TCF4: variants seen among roughly 807,000 people sequenced by gnomAD.
TCF4 encodes the protein SL3-3 enhancer factor 2.
Under a neutral mutation model 82.1 loss-of-function variants are expected in TCF4, and 3 were observed. That is an observed-to-expected ratio of 0.04 (90% CI 0.02 to 0.09). TCF4 has a LOEUF of 0.09. Ranked by LOEUF, TCF4 falls within the 10% of genes least tolerant of loss-of-function variation. The probability of loss-of-function intolerance (pLI) is 1.00; values close to 1 mark genes in which losing one functional copy is unlikely to be tolerated. For missense variants in TCF4, 518 were observed against 852.7 expected, an observed-to-expected ratio of 0.61 and a Z score of 4.89; for synonymous variants, 276 against 309.6, an observed-to-expected ratio of 0.89 and a Z score of 1.14.
chr18:55,451,986 A>G (rs1221940954), intron 5 of TCF4, among the ~76,000 whole-genome samples: 1 of 152,200 alleles, frequency 6.6e-6, no homozygotes, highest in Non-Finnish European at 1.5e-5. Flanking sequence ...AGCCTGGGTG[A>G]CAGAGTGAGA....
intron 3 of TCF4, among the ~76,000 whole-genome samples, chr18:55,537,229 A>C (rs2097125062): frequency 6.6e-6 from 1 of 152,188 alleles, no homozygotes; most frequent in South Asian, 2.1e-4. Flanking sequence ...CAAAAACTAA[A>C]AACAAGCATT....
upstream of TCF4, chr18:55,589,831 T>A (rs1568475458): frequency 6.0e-6 from 6 of 1,004,462 alleles, no homozygotes; most frequent in Non-Finnish European, 7.1e-6. Flanking sequence ...CGGCCGCGGC[T>A]GCTCCTCCAG....
Position 55,228,270 on chromosome 18 carries a change from T to C in TCF4, c.1971A>G (p.Pro657=), listed in dbSNP as rs2046898654. The change falls in exon 19 of 20, where the codon CCA becomes CCG. Residue 657 remains proline, a synonymous_variant. Coordinates refer to ENST00000354452, the MANE Select transcript of TCF4 (RefSeq NM_001083962.2). ...TCGATGCGTCTCCCATTCCAGGGTG[T>C]GGGCCGGCCAAGGAGAGAGGGGGAG... ...SEPPPLSLAG[P]HPGMGDASNH... is the part of the protein sequence containing the mutation. 2 of 1,614,136 alleles carry C rather than the reference T, an allele frequency of 1.2e-6. No homozygotes were observed. Among genetic ancestry groups the C allele is most frequent in the South Asian group, 1.1e-5 (1 of 91,076 alleles).
At chr18:55,631,514 G>T in intron 1 of TCF4, 1 of 867,824 alleles carries the variant, frequency 1.2e-6, no homozygotes, top group Non-Finnish European at 1.7e-6. Flanking sequence ...CTACAGGGAT[G>T]AAGACAAGTG....
At chr18:55,501,423 T>G (rs895247989) in intron 3 of TCF4, among the ~76,000 whole-genome samples, 2 of 152,222 alleles carry the variant, frequency 1.3e-5, no homozygotes, top group African/African-American at 4.8e-5. Flanking sequence ...AATAGTGTTC[T>G]CAATGGCTTT....
rs1477854140 is a variant in TCF4, at chr18:55,621,646, TAC to T, written c.286+9650_286+9651del. Among the ~76,000 whole-genome samples the T allele has an allele frequency of 2.3e-4, 4 of 17,490 alleles. No individual in the cohort carries two copies. The African/African-American group carries it at 2.6e-3, about 11-fold the overall frequency. The allele number at this position is 17,490 out of a possible 152,430, so 11.5% of individuals were successfully genotyped here. ...TATATAATATATATATTATATAATA[TAC>T]ATTATATAATATACATTATATAATA... On this transcript the variant is annotated intron_variant, in intron 2 of 20. Coordinates refer to the TCF4 transcript ENST00000398339.
intron 1 of TCF4, among the ~76,000 whole-genome samples, chr18:55,632,242 G>C (rs2097732287): frequency 6.6e-6 from 1 of 152,106 alleles, no homozygotes; most frequent in African/African-American, 2.4e-5. Context: ...GTTTCACCAT[G>C]TTAGCCAGGA....
At chr18:55,496,896 C>CAAAAAAAAAAAAAAAAAAAAATAA (rs60244407) in intron 3 of TCF4, among the ~76,000 whole-genome samples, 1 of 108,712 alleles carries the variant, frequency 9.2e-6, no homozygotes. Context: ...TGTAAAATTA[C>CAAAAAAAAAAAAAAAAAAAAATAA]AAAAAAAAAA....
intron 6 of TCF4, among the ~76,000 whole-genome samples, chr18:55,361,885 A>G (rs2145204723): frequency 6.6e-6 from 1 of 152,334 alleles, no homozygotes; most frequent in South Asian, 2.1e-4. Flanking sequence ...ACTGCTTTAC[A>G]AATAAGGTGG....
intron 6 of TCF4, among the ~76,000 whole-genome samples, chr18:55,373,505 T>G (rs1307585055): frequency 1.3e-5 from 2 of 151,818 alleles, no homozygotes; most frequent in Non-Finnish European, 2.9e-5. Context: ...TAATAAAAGG[T>G]TTAATATATT....
At position 55,420,429 on chromosome 18, in the gene TCF4, C is replaced by T. The variant is rs1259999046; in HGVS notation, c.305-16911G>A. On this transcript the variant is annotated intron_variant, in intron 5 of 19. Coordinates refer to ENST00000354452, the MANE Select transcript of TCF4 (RefSeq NM_001083962.2). ...CCACACTCTACTCCAAAAACATCTT[C>T]TAACCCGCTTTTGGAAATAATGGGA... is the stretch of plus-strand genomic sequence containing the variant. Among the ~76,000 whole-genome samples, 22 of 152,214 alleles carry T rather than the reference C, an allele frequency of 1.4e-4. 1 individual carries two copies. Among genetic ancestry groups the T allele is most frequent in the Admixed American group, 1.4e-3 (22 of 15,280 alleles).
At chr18:55,365,209 GTATATATA>G (rs1167939578) in intron 6 of TCF4, among the ~76,000 whole-genome samples, 4 of 126,772 alleles carry the variant, frequency 3.2e-5, no homozygotes, top group African/African-American at 1.3e-4. Context: ...GTGTGTGTGT[GTATATATA>G]TGTGTGTGTG....
intron 3 of TCF4, among the ~76,000 whole-genome samples, chr18:55,498,522 A>G (rs2096662592): frequency 6.6e-6 from 1 of 152,202 alleles, no homozygotes; most frequent in Non-Finnish European, 1.5e-5. Context: ...GCGTGAGACC[A>G]ACCATCAGGG....
At chr18:55,252,064 T>G (rs1359422929) in intron 15 of TCF4, among the ~76,000 whole-genome samples, 1 of 152,080 alleles carries the variant, frequency 6.6e-6, no homozygotes, top group Non-Finnish European at 1.5e-5. Context: ...TGTTTTAAAA[T>G]TCATACCAGT....
intron 3 of TCF4, among the ~76,000 whole-genome samples, chr18:55,502,624 T>C (rs139741358): frequency 9.2e-5 from 14 of 152,264 alleles, no homozygotes; most frequent in African/African-American, 3.4e-4. Flanking sequence ...CTAGACAATA[T>C]AGGGGCACAT....
At chr18:55,291,121 G>A (rs535193136) in intron 8 of TCF4, among the ~76,000 whole-genome samples, 34 of 152,242 alleles carry the variant, frequency 2.2e-4, no homozygotes, top group Non-Finnish European at 3.5e-4. Flanking sequence ...AGCTTGGAGC[G>A]GGTTAAGTGC....
At chr18:55,557,173 C>G (rs2097311820) in intron 3 of TCF4, among the ~76,000 whole-genome samples, 2 of 152,144 alleles carry the variant, frequency 1.3e-5, no homozygotes, top group Non-Finnish European at 2.9e-5. Context: ...ATTTTTAATA[C>G]TGCTTCTTTA....
upstream of TCF4, chr18:55,589,736 A>G (rs1227327298): frequency 2.9e-6 from 3 of 1,022,486 alleles, no homozygotes; most frequent in African/African-American, 1.7e-5. Context: ...CCGTGGAGTC[A>G]CATTGATAAT....
intron 10 of TCF4, among the ~76,000 whole-genome samples, chr18:55,274,139 A>T (rs952953640): frequency 1.3e-5 from 2 of 152,194 alleles, no homozygotes; most frequent in South Asian, 2.1e-4. Context: ...AGAAGTGGAA[A>T]ATGATGGTGC....
Sources: allele counts gnomAD v4.1 joint callset (sites outside exome capture counted in the v4.1 genomes callset), GRCh38; gene constraint gnomAD v4.1.1; transcripts MANE v1.5; gene names NCBI Gene and HGNC (gene_info 2026-07-23, HGNC 2026-07-21).